SPATA13: variants seen among roughly 807,000 people sequenced by gnomAD.
The protein encoded by SPATA13 is spermatogenesis-associated protein 13.
In SPATA13, 50 loss-of-function variants were observed where a neutral mutation model predicts 104.0. The observed-to-expected ratio is 0.48, with a 90% confidence interval of 0.38 to 0.61. SPATA13 has a LOEUF of 0.61. SPATA13 is among the 20% of genes least tolerant of loss of function. SPATA13 has a pLI of 0.00. For missense variants in SPATA13, 1,524 were observed against 1,690.6 expected, an observed-to-expected ratio of 0.90 and a Z score of 1.73; for synonymous variants, 606 against 667.5, an observed-to-expected ratio of 0.91 and a Z score of 1.42.
chr13:24,255,022 A>G (rs954035200), intron 4 of SPATA13, among the ~76,000 whole-genome samples: 2 of 151,974 alleles, frequency 1.3e-5, no homozygotes, highest in African/African-American at 4.8e-5. Context: ...CCCCAAACCC[A>G]TCCTCAGCCC....
intron 3 of SPATA13, among the ~76,000 whole-genome samples, chr13:24,094,065 G>GTA (rs1278308717): frequency 1.3e-5 from 2 of 152,206 alleles, no homozygotes; most frequent in African/African-American, 2.4e-5. Flanking sequence ...ATACCGGAAT[G>GTA]TCCTGAACAG....
At chr13:24,108,887 C>G (rs1052251147) in intron 3 of SPATA13, among the ~76,000 whole-genome samples, 1 of 152,148 alleles carries the variant, frequency 6.6e-6, no homozygotes. Context: ...TTTGTATTTG[C>G]TTTGTCTTCC....
At chr13:24,160,568 G>C, upstream of SPATA13, 1 of 263,164 alleles carries the variant, frequency 3.8e-6, no homozygotes, top group Non-Finnish European at 5.9e-6. Flanking sequence ...GATGGGTGGG[G>C]TCCCCGGCTG....
chr13:24,300,565 G>A, intron 12 of SPATA13, 90 bp downstream of exon 12: 7 of 1,192,256 alleles, frequency 5.9e-6, no homozygotes, highest in Non-Finnish European at 7.4e-6. Context: ...CCTGTGACCA[G>A]CTTGGAGCAA....
chr13:24,085,753 T>C (rs944836527), intron 3 of SPATA13, among the ~76,000 whole-genome samples: 4 of 152,234 alleles, frequency 2.6e-5, no homozygotes, highest in Non-Finnish European at 5.9e-5. Context: ...AGCCAGCCTC[T>C]GTGGGAATGC....
chr13:24,069,650 T>C (rs1338579274), intron 3 of SPATA13, among the ~76,000 whole-genome samples: 1 of 152,200 alleles, frequency 6.6e-6, no homozygotes, highest in Admixed American at 6.5e-5. Context: ...CTTAACTTTG[T>C]TTTTATTTTT....
In SPATA13 at chr13:24,306,800, C is replaced by G. The variant is rs767454681; in HGVS notation, c.*4027C>G. ...ATATTAGTGTCCATTCTGTATGACT[C>G]GCTAACCTACTTTGCAAGGCTTTGG... On this transcript the variant is annotated 3_prime_UTR_variant, in exon 13 of 13. Coordinates refer to ENST00000382108, the MANE Select transcript of SPATA13 (RefSeq NM_001166271.3). 6.6e-6 allele frequency: 1 copy of G among 152,128 alleles called. No homozygotes were observed. Among genetic ancestry groups the G allele is most frequent in the Non-Finnish European group, 1.5e-5 (1 of 68,012 alleles). The allele number at this position is 152,128 out of a possible 1,614,324, so 9.4% of individuals were successfully genotyped here. A position where few individuals can be genotyped will look rare whatever the true frequency, so the allele number is the denominator to read the frequency against.
chr13:24,209,264 CAGTT>C (rs1870883713), intron 1 of SPATA13, among the ~76,000 whole-genome samples: 1 of 152,222 alleles, frequency 6.6e-6, no homozygotes, highest in Non-Finnish European at 1.5e-5. Flanking sequence ...TATTAAACCT[CAGTT>C]AGGCTTTTAG....
At chr13:24,000,600 G>A (rs546198730) in intron 2 of SPATA13, among the ~76,000 whole-genome samples, 7 of 152,204 alleles carry the variant, frequency 4.6e-5, no homozygotes, top group Non-Finnish European at 7.3e-5. Context: ...ATGAAGTGGT[G>A]GAGAAGACGG....
chr13:24,219,003 C>CA (rs35494448), intron 1 of SPATA13, among the ~76,000 whole-genome samples: 26,549 of 110,342 alleles, frequency 0.24, 3,673 homozygotes, highest in African/African-American at 0.42. Flanking sequence ...TCATTATCAC[C>CA]AAAAAAAAAA....
intron 1 of SPATA13, among the ~76,000 whole-genome samples, chr13:24,191,086 T>A (rs930586635): frequency 1.3e-5 from 2 of 152,186 alleles, no homozygotes; most frequent in African/African-American, 4.8e-5. Context: ...CTTGGATGAT[T>A]GTTAACATTT....
chr13:24,149,165 C>G (rs569089723), intron 3 of SPATA13, among the ~76,000 whole-genome samples: 6 of 152,178 alleles, frequency 3.9e-5, no homozygotes, highest in Non-Finnish European at 8.8e-5. Context: ...CACACTGGGT[C>G]GTTTTCCACA....
At chr13:24,122,838 T>C (rs1881082555) in intron 3 of SPATA13, 1 of 773,166 alleles carries the variant, frequency 1.3e-6, no homozygotes, top group Non-Finnish European at 2.4e-6. Flanking sequence ...AGAGAAGATC[T>C]CCTCATAGAA....
At position 24,248,156 on chromosome 13, in the gene SPATA13, G is replaced by T. The variant is rs550228965; in HGVS notation, c.1654-1321G>T. ...GGTCTCTGACGCAGCCCTCCTCTCTGGCCAGGCTTTGAGGGGTCTGCTCAG... is the reference window on the plus strand; with the variant it reads ...GGTCTCTGACGCAGCCCTCCTCTCTTGCCAGGCTTTGAGGGGTCTGCTCAG... On this transcript the variant is annotated intron_variant, in intron 2 of 12. Coordinates refer to ENST00000382108, the MANE Select transcript of SPATA13 (RefSeq NM_001166271.3). Among the ~76,000 whole-genome samples the T allele has an allele frequency of 3.3e-5, 5 of 152,330 alleles. No individual in the cohort carries two copies. In the East Asian group the frequency reaches 7.7e-4, roughly 23 times the overall value.
intron 1 of SPATA13, among the ~76,000 whole-genome samples, chr13:24,218,373 G>T (rs1871373676): frequency 6.6e-6 from 1 of 152,184 alleles, no homozygotes; most frequent in South Asian, 2.1e-4. Context: ...TGGCCAGGAG[G>T]TAGCAGTGCT....
intron 3 of SPATA13, among the ~76,000 whole-genome samples, chr13:24,061,872 A>T (rs1028699): frequency 0.17 from 25,903 of 151,334 alleles, 2,406 homozygotes; most frequent in South Asian, 0.29. Flanking sequence ...AAAAGTTTTT[A>T]AAAAAAATTA....
In SPATA13 at chr13:24,223,661, C is replaced by A. The variant is rs373035664; in HGVS notation, c.732C>A (p.Asn244Lys). ...VCEILVRDPE[N>K]NSMGYRRSKS... ...AGATTCTCGTGAGGGACCCTGAAAA[C>A]AACAGCATGGGCTACAGGAGGAGCA... Residue 244 changes from asparagine to lysine, a missense_variant, in exon 2 of 13, where the codon AAC (asparagine) becomes AAA (lysine). Coordinates refer to ENST00000382108, the MANE Select transcript of SPATA13 (RefSeq NM_001166271.3). The A allele has an allele frequency of 1.9e-6, 3 of 1,552,052 alleles. No homozygotes were observed. The African/African-American group carries it at 4.1e-5, about 21-fold the overall frequency.
At chr13:24,147,113 A>G (rs1012526734) in intron 3 of SPATA13, among the ~76,000 whole-genome samples, 1 of 152,156 alleles carries the variant, frequency 6.6e-6, no homozygotes. Flanking sequence ...GATTGTTCAG[A>G]TAATTTTTTT....
At chr13:24,019,464 TTTCTGCA>T (rs1250564794) in intron 3 of SPATA13, among the ~76,000 whole-genome samples, 1 of 152,250 alleles carries the variant, frequency 6.6e-6, no homozygotes, top group East Asian at 1.9e-4. Flanking sequence ...CTAGTTAAAA[TTTCTGCA>T]TACTTTTGTA....
Sources: allele counts gnomAD v4.1 joint callset (sites outside exome capture counted in the v4.1 genomes callset), GRCh38; gene constraint gnomAD v4.1.1; transcripts MANE v1.5; gene names NCBI Gene and HGNC (gene_info 2026-07-23, HGNC 2026-07-21).